The following RBFOX1 variants were observed in gnomAD, a reference collection of about 807,000 sequenced individuals.
RBFOX1 encodes RNA binding fox-1 homolog 1.
Under a neutral mutation model 57.7 loss-of-function variants are expected in RBFOX1, and 8 were observed. The observed-to-expected ratio is 0.14, with a 90% confidence interval of 0.08 to 0.25. The LOEUF (loss-of-function observed/expected upper bound fraction) is 0.25. RBFOX1 is among the 10% of genes least tolerant of loss of function. The pLI is 1.00. For missense variants in RBFOX1, 611 were observed against 548.5 expected, an observed-to-expected ratio of 1.11 and a Z score of -1.14; for synonymous variants, 326 against 222.4, an observed-to-expected ratio of 1.47 and a Z score of -4.15.
intron 2 of RBFOX1, among the ~76,000 whole-genome samples, chr16:6,510,086 C>A (rs930934088): frequency 6.6e-6 from 1 of 152,140 alleles, no homozygotes; most frequent in East Asian, 1.9e-4. Context: ...CTTATAGTTA[C>A]TGAAAGCTTC....
At chr16:7,087,393 GTAT>G (rs1480555030) in intron 4 of RBFOX1, among the ~76,000 whole-genome samples, 14 of 152,130 alleles carry the variant, frequency 9.2e-5, no homozygotes, top group Admixed American at 7.2e-4. Context: ...ACCATCGCTA[GTAT>G]TATGAATATT....
intron 3 of RBFOX1, among the ~76,000 whole-genome samples, chr16:6,933,832 C>T (rs899849571): frequency 2.0e-5 from 3 of 152,188 alleles, no homozygotes; most frequent in Admixed American, 6.5e-5. Context: ...GTGTTTACCT[C>T]TCTTTATCTT....
intron 1 of RBFOX1, among the ~76,000 whole-genome samples, chr16:5,285,270 C>G (rs759870333): frequency 3.3e-5 from 5 of 152,138 alleles, no homozygotes; most frequent in Admixed American, 1.3e-4. Flanking sequence ...GTATTTCTTT[C>G]AACGATTTCT....
chr16:6,767,984 A>C (rs2077646981), intron 3 of RBFOX1, among the ~76,000 whole-genome samples: 1 of 149,954 alleles, frequency 6.7e-6, no homozygotes, highest in Non-Finnish European at 1.5e-5. Flanking sequence ...GAAGAAGAAG[A>C]AGAAATTATG....
intron 1 of RBFOX1, among the ~76,000 whole-genome samples, chr16:6,070,507 G>A (rs995487851): frequency 6.6e-6 from 1 of 152,180 alleles, no homozygotes; most frequent in Admixed American, 6.5e-5. Context: ...TTTCAATGAA[G>A]TCTGACAAGA....
chr16:7,289,008 G>T (rs2095706720), intron 4 of RBFOX1, among the ~76,000 whole-genome samples: 1 of 152,170 alleles, frequency 6.6e-6, no homozygotes, highest in African/African-American at 2.4e-5. Flanking sequence ...ATTAGAGGAA[G>T]TATGGGCACC....
intron 2 of RBFOX1, among the ~76,000 whole-genome samples, chr16:6,515,853 C>T (rs1458806426): frequency 6.6e-6 from 1 of 152,152 alleles, no homozygotes; most frequent in Non-Finnish European, 1.5e-5. Context: ...GGGTGAATTT[C>T]ACTCTATCCT....
At chr16:5,304,882 C>G (rs549879492) in intron 1 of RBFOX1, among the ~76,000 whole-genome samples, 1 of 152,262 alleles carries the variant, frequency 6.6e-6, no homozygotes, top group African/African-American at 2.4e-5. Flanking sequence ...TTGCATTTCT[C>G]CTATTCCCTG....
At chr16:5,485,345 CAAA>C (rs71142624) in intron 2 of RBFOX1, among the ~76,000 whole-genome samples, 29 of 51,664 alleles carry the variant, frequency 5.6e-4, no homozygotes, top group African/African-American at 1.7e-3. Context: ...GACTCCGTGT[CAAA>C]AAAAAAAAAA....
At chr16:5,861,432 A>T (rs530105999) in intron 3 of RBFOX1, among the ~76,000 whole-genome samples, 1 of 152,286 alleles carries the variant, frequency 6.6e-6, no homozygotes, top group East Asian at 1.9e-4. Context: ...GTGGCTTTGG[A>T]AGTCACATCT....
intron 2 of RBFOX1, among the ~76,000 whole-genome samples, chr16:6,359,294 A>G (rs562292802): frequency 1.3e-5 from 2 of 152,164 alleles, no homozygotes; most frequent in African/African-American, 4.8e-5. Context: ...GGGTTTCACC[A>G]TATTGGCCAG....
chr16:5,486,359 C>G (rs532064600), intron 2 of RBFOX1, among the ~76,000 whole-genome samples: 9 of 152,302 alleles, frequency 5.9e-5, no homozygotes, highest in African/African-American at 1.7e-4. Flanking sequence ...GCTTGGATGT[C>G]TTGCCTTCTG....
intron 3 of RBFOX1, among the ~76,000 whole-genome samples, chr16:6,997,329 A>G (rs1357807570): frequency 2.0e-5 from 3 of 152,216 alleles, no homozygotes; most frequent in African/African-American, 7.2e-5. Flanking sequence ...ACTTATCAGT[A>G]TGAAGTGGCA....
chr16:6,609,376 A>G (rs1242092675), intron 2 of RBFOX1, among the ~76,000 whole-genome samples: 1 of 151,820 alleles, frequency 6.6e-6, no homozygotes, highest in Admixed American at 6.6e-5. Context: ...ACAGGGTCTC[A>G]CTCTGTTGTC....
At chr16:5,777,580 T>C (rs1362382170) in intron 3 of RBFOX1, among the ~76,000 whole-genome samples, 1 of 152,188 alleles carries the variant, frequency 6.6e-6, no homozygotes, top group East Asian at 1.9e-4. Flanking sequence ...CTTGTATAAA[T>C]GGTCTTCGAG....
chr16:6,191,937 G>GTATCA (rs1801725918), intron 1 of RBFOX1, among the ~76,000 whole-genome samples: 1 of 152,190 alleles, frequency 6.6e-6, no homozygotes, highest in Non-Finnish European at 1.5e-5. Context: ...CAAGGGGTTA[G>GTATCA]TATCAGCCTT....
intron 3 of RBFOX1, among the ~76,000 whole-genome samples, chr16:5,788,123 AACATCATACCTGGAGAGTG>A (rs2054568711): frequency 6.6e-6 from 1 of 152,170 alleles, no homozygotes; most frequent in Non-Finnish European, 1.5e-5. Flanking sequence ...GACTGCTGAA[AACATCATACCTGGAGAGTG>A]ACATCTGGCC....
At chr16:5,979,015 GC>G (rs2060123708) in intron 4 of RBFOX1, among the ~76,000 whole-genome samples, 1 of 152,174 alleles carries the variant, frequency 6.6e-6, no homozygotes, top group African/African-American at 2.4e-5. Context: ...CTAGGCCTAG[GC>G]CCCTCTCGCC....
chr16:6,153,990 G>T (rs1233393007), intron 1 of RBFOX1, among the ~76,000 whole-genome samples: 1 of 152,146 alleles, frequency 6.6e-6, no homozygotes, highest in African/African-American at 2.4e-5. Flanking sequence ...AAACAAATGG[G>T]TATAGTTATA....
Sources: allele counts gnomAD v4.1 joint callset (sites outside exome capture counted in the v4.1 genomes callset), GRCh38; gene constraint gnomAD v4.1.1; transcripts MANE v1.5; gene names NCBI Gene and HGNC (gene_info 2026-07-23, HGNC 2026-07-21).